The following SLA2 variants were observed in gnomAD, a reference collection of about 807,000 sequenced individuals.
SLA2 encodes the protein Src like adaptor 2, also known as src-like-adapter 2.
A neutral mutation model predicts 27.3 loss-of-function variants in SLA2; 22 were observed. That is an observed-to-expected ratio of 0.81 (90% CI 0.58 to 1.15). The LOEUF is 1.15. Ranked by LOEUF, SLA2 falls within the 50% of genes most tolerant of loss-of-function variation. The pLI, the probability that SLA2 is intolerant of heterozygous loss-of-function variation, is 0.00. For synonymous variants in SLA2, 131 were observed against 137.8 expected (o/e 0.95, Z 0.34); for missense variants, 304 against 322.2 (o/e 0.94, Z 0.43).
intron 5 of SLA2, among the ~76,000 whole-genome samples, chr20:36,619,762 C>G (rs2039259978): frequency 6.7e-6 from 1 of 149,016 alleles, no homozygotes; most frequent in South Asian, 2.2e-4. Context: ...TCCCAAATAG[C>G]TGGGACTACA....
chr20:36,638,128 T>A (rs2039471467), intron 2 of SLA2, among the ~76,000 whole-genome samples: 2 of 151,824 alleles, frequency 1.3e-5, no homozygotes, highest in Admixed American at 1.3e-4. Flanking sequence ...CCTGACCTCA[T>A]GATCCGCCCT....
chr20:36,644,156 T>C (rs2147999866), intron 1 of SLA2, among the ~76,000 whole-genome samples: 1 of 152,164 alleles, frequency 6.6e-6, no homozygotes, highest in East Asian at 1.9e-4. Flanking sequence ...AGGTTTTTTG[T>C]TTTTGTTTTA....
At chr20:36,618,783 A>G (rs780314686) in intron 5 of SLA2, among the ~76,000 whole-genome samples, 11 of 151,334 alleles carry the variant, frequency 7.3e-5, no homozygotes, top group Non-Finnish European at 1.3e-4. Flanking sequence ...GCACATGCCT[A>G]TAAATCCCAG....
Position 36,615,180 on chromosome 20 carries a change from C to G in SLA2, c.532+45G>C, listed in dbSNP as rs565737434. Reference sequence around the variant, plus strand: ...AAGGGCACCACTGCCTGCTCCTCCCCACAGACTATCCCAGCCTAGTCCTGG... The same window carrying G: ...AAGGGCACCACTGCCTGCTCCTCCCGACAGACTATCCCAGCCTAGTCCTGG... On this transcript the variant is annotated intron_variant, in intron 6 of 7. Coordinates refer to ENST00000262866, the MANE Select transcript of SLA2 (RefSeq NM_032214.4). 4 of 1,613,170 alleles carry G rather than the reference C, an allele frequency of 2.5e-6. No individual in the cohort carries two copies. In the South Asian group the frequency reaches 4.4e-5, roughly 18 times the overall value.
At chr20:36,629,728 C>T (rs1172342235) in intron 5 of SLA2, among the ~76,000 whole-genome samples, 3 of 151,988 alleles carry the variant, frequency 2.0e-5, no homozygotes, top group Non-Finnish European at 2.9e-5. Flanking sequence ...GAACCGAGAT[C>T]GCACCACTGC....
Position 36,633,555 on chromosome 20 carries a change from T to G in SLA2, c.266A>C (p.Lys89Thr). 6.2e-7 allele frequency: 1 copy of G among 1,614,060 alleles called. No individual in the cohort carries two copies. Among genetic ancestry groups the G allele is most frequent in the Non-Finnish European group, 8.5e-7 (1 of 1,179,962 alleles). ...EYNIPSVHVAKVSHGWLYEGL... is the reference protein window; with the variant it reads ...EYNIPSVHVATVSHGWLYEGL... ...GGTGGGAACTCACCCATGGGAGACT[T>G]TGGCCACGTGGACGCTGGGGATGTT... The change falls in exon 4 of 8, where the codon AAA becomes ACA. Residue 89 changes from lysine (K) to threonine (T), a missense_variant. Coordinates refer to ENST00000262866, the MANE Select transcript of SLA2 (RefSeq NM_032214.4).
At chr20:36,629,393 G>T (rs1473745563) in intron 5 of SLA2, among the ~76,000 whole-genome samples, 1 of 151,696 alleles carries the variant, frequency 6.6e-6, no homozygotes, top group Non-Finnish European at 1.5e-5. Flanking sequence ...CACTTTGGGA[G>T]GCCAAGGTGG....
At chr20:36,628,041 A>G (rs1377030701) in intron 5 of SLA2, among the ~76,000 whole-genome samples, 1 of 152,218 alleles carries the variant, frequency 6.6e-6, no homozygotes, top group Admixed American at 6.5e-5. Flanking sequence ...TGGGTTCCCT[A>G]GATTGGAACT....
chr20:36,626,115 T>C (rs982051735), intron 5 of SLA2, among the ~76,000 whole-genome samples: 1 of 151,808 alleles, frequency 6.6e-6, no homozygotes, highest in Non-Finnish European at 1.5e-5. Flanking sequence ...AAAATACAGC[T>C]GGGCGCAGTG....
chr20:36,639,663 C>T (rs1026290541), intron 2 of SLA2, among the ~76,000 whole-genome samples: 1 of 150,962 alleles, frequency 6.6e-6, no homozygotes, highest in African/African-American at 2.4e-5. Flanking sequence ...ACCATCCTGG[C>T]TAACACAGTG....
chr20:36,633,755 G>C (rs930582667), intron 3 of SLA2, 126 bp from the exon 4 acceptor site: 2 of 726,900 alleles, frequency 2.8e-6, no homozygotes, highest in Non-Finnish European at 4.7e-6. Context: ...CTGTTTCCCA[G>C]GCTTCCCTGC....
At chr20:36,619,524 T>C (rs975107233) in intron 5 of SLA2, among the ~76,000 whole-genome samples, 2 of 150,870 alleles carry the variant, frequency 1.3e-5, no homozygotes, top group Admixed American at 6.6e-5. Flanking sequence ...AGACTCTGTG[T>C]CAAAAAAAAA....
chr20:36,640,987 C>G (rs2039501402), intron 2 of SLA2, among the ~76,000 whole-genome samples: 2 of 152,160 alleles, frequency 1.3e-5, no homozygotes, highest in South Asian at 4.1e-4. Context: ...TCATGCCCTC[C>G]TGGTTTAATA....
At chr20:36,639,549 C>A (rs185674054) in intron 2 of SLA2, among the ~76,000 whole-genome samples, 174 of 152,126 alleles carry the variant, frequency 1.1e-3, no homozygotes, top group African/African-American at 3.7e-3. Flanking sequence ...GCCATAGTTC[C>A]AACATCAAAA....
At chr20:36,638,629 A>G (rs1383139092) in intron 2 of SLA2, among the ~76,000 whole-genome samples, 2 of 151,964 alleles carry the variant, frequency 1.3e-5, no homozygotes, top group African/African-American at 4.8e-5. Flanking sequence ...GCCCCTAGCC[A>G]ATTTAGGTGA....
intron 3 of SLA2, 107 bp downstream of exon 3, chr20:36,634,383 C>T: frequency 1.1e-5 from 9 of 798,624 alleles, no homozygotes; most frequent in Non-Finnish European, 1.8e-5. Context: ...TCCCGAGCTC[C>T]AGCGATTCTC....
intron 5 of SLA2, among the ~76,000 whole-genome samples, chr20:36,622,349 C>A (rs57176258): frequency 0.02 from 2,923 of 145,852 alleles, 95 homozygotes; most frequent in African/African-American, 0.073. Flanking sequence ...GAGCGAGACT[C>A]CATCTCAAAA....
intron 5 of SLA2, among the ~76,000 whole-genome samples, chr20:36,629,305 G>A (rs2039370223): frequency 6.6e-6 from 1 of 151,634 alleles, no homozygotes; most frequent in Admixed American, 6.6e-5. Context: ...CCTCAGGTGA[G>A]GCCTTATGTG....
intron 2 of SLA2, among the ~76,000 whole-genome samples, chr20:36,636,640 A>C (rs1253378484): frequency 2.1e-5 from 3 of 140,578 alleles, no homozygotes; most frequent in African/African-American, 7.9e-5. Context: ...ATATATATAT[A>C]TATATATATA....
Sources: allele counts gnomAD v4.1 joint callset (sites outside exome capture counted in the v4.1 genomes callset), GRCh38; gene constraint gnomAD v4.1.1; transcripts MANE v1.5; gene names NCBI Gene and HGNC (gene_info 2026-07-23, HGNC 2026-07-21).